Variants in ACYP2 observed in about 807,000 individuals in gnomAD.
ACYP2 encodes the protein acylphosphatase 2.
A neutral mutation model predicts 11.2 loss-of-function variants in ACYP2; 12 were observed. That is an observed-to-expected ratio of 1.08 (90% confidence interval 0.69 to 1.74). ACYP2 has a LOEUF of 1.74. ACYP2 is among the 40% of genes most tolerant of loss of function. The pLI is 0.00. For synonymous variants in ACYP2, 43 were observed against 32.2 expected, an observed-to-expected ratio of 1.33 and a Z score of -1.13; for missense variants, 134 against 101.9, an observed-to-expected ratio of 1.31 and a Z score of -1.35.
intron 6 of ACYP2, among the ~76,000 whole-genome samples, chr2:54,201,764 C>T (rs186390110): frequency 2.7e-5 from 4 of 150,048 alleles, no homozygotes; most frequent in Non-Finnish European, 5.9e-5. Context: ...GGCTGGAGTA[C>T]AGTGGCACAG....
intron 6 of ACYP2, among the ~76,000 whole-genome samples, chr2:54,244,917 A>T (rs1161763654): frequency 6.6e-6 from 1 of 152,160 alleles, no homozygotes; most frequent in South Asian, 2.1e-4. Flanking sequence ...TCTTCTAGCT[A>T]TTTGAAAATA....
chr2:54,092,006 A>C (rs534928419), intron 4 of ACYP2, among the ~76,000 whole-genome samples: 1 of 152,248 alleles, frequency 6.6e-6, no homozygotes, highest in East Asian at 1.9e-4. Flanking sequence ...AAAGAGAGTG[A>C]GGCTGATTTA....
chr2:54,285,551 G>A (rs544914147), intron 6 of ACYP2, among the ~76,000 whole-genome samples: 4 of 152,300 alleles, frequency 2.6e-5, no homozygotes, highest in Non-Finnish European at 5.9e-5. Context: ...GTCCAAAACA[G>A]AACACTCAAT....
chr2:54,272,816 AAC>A (rs1688366723), intron 6 of ACYP2, among the ~76,000 whole-genome samples: 1 of 152,262 alleles, frequency 6.6e-6, no homozygotes, highest in Non-Finnish European at 1.5e-5. Flanking sequence ...AGGCAAAGAC[AAC>A]AGTCTTAATG....
chr2:54,237,116 A>G (rs1572974466), intron 6 of ACYP2, among the ~76,000 whole-genome samples: 1 of 152,214 alleles, frequency 6.6e-6, no homozygotes, highest in Non-Finnish European at 1.5e-5. Context: ...TTTAAAACAC[A>G]TGGGAATACA....
chr2:54,211,382 T>C (rs1044798470), intron 6 of ACYP2, among the ~76,000 whole-genome samples: 1 of 152,214 alleles, frequency 6.6e-6, no homozygotes, highest in African/African-American at 2.4e-5. Flanking sequence ...TACAGTGATA[T>C]TTAACTAATA....
At chr2:53,980,175 A>G (rs1671680475) in intron 2 of ACYP2, among the ~76,000 whole-genome samples, 1 of 151,920 alleles carries the variant, frequency 6.6e-6, no homozygotes, top group Non-Finnish European at 1.5e-5. Context: ...CAACATAGCA[A>G]GACTCCATCT....
At chr2:54,110,642 G>A (rs1249866339) in intron 4 of ACYP2, among the ~76,000 whole-genome samples, 3 of 152,118 alleles carry the variant, frequency 2.0e-5, no homozygotes, top group Admixed American at 6.5e-5. Flanking sequence ...TTTTAAAAGA[G>A]TTTTAAGATT....
At chr2:54,158,183 G>A (rs942168645) in intron 6 of ACYP2, among the ~76,000 whole-genome samples, 1 of 145,100 alleles carries the variant, frequency 6.9e-6, no homozygotes, top group Admixed American at 7.0e-5. Context: ...CCACCACCAC[G>A]CCCAGTTAAC....
chr2:54,142,714 C>T (rs1396617207), intron 6 of ACYP2: 1 of 151,852 alleles, frequency 6.6e-6, no homozygotes, highest in Non-Finnish European at 1.5e-5. Context: ...TGGGAGTAGC[C>T]TGTCCCAAAA....
chr2:54,045,202 C>T (rs1021673687), intron 2 of ACYP2, among the ~76,000 whole-genome samples: 2 of 152,152 alleles, frequency 1.3e-5, no homozygotes, highest in African/African-American at 4.8e-5. Flanking sequence ...GATTTCATCC[C>T]CCTTATTCCA....
At chr2:54,249,940 CAAAAAAAAAAAAAA>C (rs1015312135) in intron 6 of ACYP2, among the ~76,000 whole-genome samples, 1 of 44,454 alleles carries the variant, frequency 2.2e-5, no homozygotes, top group Non-Finnish European at 4.9e-5. Flanking sequence ...GACCCTGTCT[CAAAAAAAAAAAAAA>C]AAAAAAAAAA....
intron 6 of ACYP2, among the ~76,000 whole-genome samples, chr2:54,263,605 A>G (rs1348352455): frequency 1.3e-5 from 2 of 151,630 alleles, no homozygotes; most frequent in East Asian, 1.9e-4. Context: ...CTTGGGTGAC[A>G]TAGTGACACA....
chr2:54,298,446 T>C (rs1689602936), intron 6 of ACYP2, among the ~76,000 whole-genome samples: 1 of 152,196 alleles, frequency 6.6e-6, no homozygotes, highest in Non-Finnish European at 1.5e-5. Flanking sequence ...GTAAAAATGA[T>C]TTTTAAAAAC....
At chr2:54,301,080 G>A (rs138457854) in intron 6 of ACYP2, among the ~76,000 whole-genome samples, 47 of 152,172 alleles carry the variant, frequency 3.1e-4, no homozygotes, top group South Asian at 6.2e-4. Context: ...TATGCCATAC[G>A]TATATTAATT....
At chr2:54,016,592 T>C (rs1465583506) in intron 2 of ACYP2, among the ~76,000 whole-genome samples, 6 of 152,198 alleles carry the variant, frequency 3.9e-5, no homozygotes, top group Admixed American at 3.3e-4. Flanking sequence ...AAGGTTCTAA[T>C]AGATCTCTGT....
intron 2 of ACYP2, among the ~76,000 whole-genome samples, chr2:54,009,829 G>A (rs1452868115): frequency 1.3e-5 from 2 of 152,122 alleles, no homozygotes; most frequent in Non-Finnish European, 2.9e-5. Context: ...CTTAATTTGT[G>A]CTAGGTTTAT....
rs201884389 is a variant in ACYP2 at position 54,115,772 on chromosome 2, A to G, written c.278-19681A>G. The G allele has an allele frequency of 1.3e-3, 2,011 of 1,589,940 alleles. No individual in the cohort carries two copies. Among genetic ancestry groups the G allele is most frequent in the Middle Eastern group, 1.8e-3 (11 of 5,978 alleles). On this transcript the variant is annotated intron_variant, in intron 4 of 6. Coordinates refer to ENST00000607452, the MANE Select transcript of ACYP2 (RefSeq NM_001320586.2). ...AGAGTGCAGGGTAGGAGGCCCCTCT[A>G]CGGTGGGAGATCAAAAAGGTTATGG... is the stretch of plus-strand genomic sequence containing the variant.
intron 2 of ACYP2, among the ~76,000 whole-genome samples, chr2:53,985,613 C>G (rs1028948013): frequency 2.6e-5 from 4 of 152,158 alleles, no homozygotes; most frequent in African/African-American, 9.7e-5. Context: ...AATGGATAAA[C>G]TGTGTTTATG....
Sources: gnomAD v4.1 joint callset for allele counts (sites outside exome capture counted in the v4.1 genomes callset) on GRCh38, gnomAD v4.1.1 for gene constraint, MANE v1.5 for transcripts, NCBI Gene and HGNC (gene_info 2026-07-23, HGNC 2026-07-21) for gene names.